FBXW4: variants seen among roughly 807,000 people sequenced by gnomAD.
FBXW4 encodes F-box/WD repeat-containing protein 4.
Under a neutral mutation model 61.8 loss-of-function variants are expected in FBXW4, and 40 were observed. The observed-to-expected ratio is 0.65, with a 90% CI of 0.50 to 0.84. FBXW4 has a LOEUF of 0.84. FBXW4 is among the 40% of genes least tolerant of loss of function. The pLI is 0.00. For synonymous variants in FBXW4, 311 were observed against 313.8 expected (o/e 0.99, Z 0.10); for missense variants, 672 against 753.8 (o/e 0.89, Z 1.27).
intron 5 of FBXW4, among the ~76,000 whole-genome samples, chr10:101,653,220 T>C (rs1007166609): frequency 3.3e-5 from 5 of 152,282 alleles, no homozygotes; most frequent in African/African-American, 9.6e-5. Context: ...CTTCCCACTG[T>C]CCCTACGAGT....
chr10:101,667,801 A>G, intron 5 of FBXW4, 85 bp downstream of exon 5: 1 of 1,219,158 alleles, frequency 8.2e-7, no homozygotes. Context: ...AATACACAAC[A>G]GGAAGATTTT....
intron 5 of FBXW4, among the ~76,000 whole-genome samples, chr10:101,638,806 T>C (rs918941042): frequency 6.6e-6 from 1 of 152,196 alleles, no homozygotes; most frequent in African/African-American, 2.4e-5. Context: ...CCTCGATGGC[T>C]TTCTGAGTGG....
At chr10:101,615,714 A>G (rs1029130758) in intron 6 of FBXW4, among the ~76,000 whole-genome samples, 5 of 152,034 alleles carry the variant, frequency 3.3e-5, no homozygotes, top group African/African-American at 1.2e-4. Context: ...AAATGCTGAC[A>G]CCCATCACCA....
chr10:101,646,905 T>C (rs1464157148), intron 5 of FBXW4, among the ~76,000 whole-genome samples: 4 of 152,218 alleles, frequency 2.6e-5, no homozygotes, highest in African/African-American at 9.6e-5. Context: ...TCTTCTGAGA[T>C]TTAAAGTCCC....
intron 1 of FBXW4, among the ~76,000 whole-genome samples, chr10:101,681,388 C>CAA (rs769305940): frequency 0.024 from 3,190 of 134,124 alleles, 62 homozygotes; most frequent in Non-Finnish European, 0.035. Context: ...AACTCCGTCT[C>CAA]AAAAAAAAAA....
At position 101,635,856 on chromosome 10, in the gene FBXW4, A is replaced by G. The variant is rs566888345; in HGVS notation, c.1236-11046T>C. Reference sequence around the variant, plus strand: ...ACCCGGTCTCAGAAAAAAAAAAAAAAAGAGAGATGGAGGGGCACCCCTCCA... The same window carrying G: ...ACCCGGTCTCAGAAAAAAAAAAAAAGAGAGAGATGGAGGGGCACCCCTCCA... On this transcript the variant is annotated intron_variant, in intron 5 of 8. Transcript: ENST00000331272. Among the ~76,000 whole-genome samples the G allele has an allele frequency of 2.3e-4, 35 of 151,236 alleles. 1 individual carries two copies. Among genetic ancestry groups the G allele is most frequent in the Admixed American group, 1.9e-3 (29 of 15,192 alleles).
chr10:101,647,523 G>A (rs184306328), intron 5 of FBXW4, among the ~76,000 whole-genome samples: 12 of 152,268 alleles, frequency 7.9e-5, no homozygotes, highest in African/African-American at 2.9e-4. Flanking sequence ...CTTTGGAATC[G>A]ATTTTTTTTC....
chr10:101,657,076 C>T (rs1039276096), intron 5 of FBXW4, among the ~76,000 whole-genome samples: 1 of 152,170 alleles, frequency 6.6e-6, no homozygotes, highest in African/African-American at 2.4e-5. Flanking sequence ...CACTTCCCTC[C>T]TCCCTCCAAT....
intron 5 of FBXW4, 198 bp from the exon 6 acceptor site, chr10:101,625,008 G>A (rs1420016488): frequency 3.1e-6 from 2 of 638,088 alleles, no homozygotes; most frequent in East Asian, 2.8e-5. Context: ...CCCCAGTGGT[G>A]CCTGGCCAGA....
chr10:101,653,858 C>G (rs565575320), intron 5 of FBXW4, among the ~76,000 whole-genome samples: 31 of 152,224 alleles, frequency 2.0e-4, no homozygotes, highest in African/African-American at 7.2e-4. Flanking sequence ...CGCAGTGGCT[C>G]ACGACTGTAA....
intron 5 of FBXW4, among the ~76,000 whole-genome samples, chr10:101,666,925 G>GA (rs141526805): frequency 0.28 from 40,990 of 149,024 alleles, 5,930 homozygotes; most frequent in African/African-American, 0.32. Flanking sequence ...AAAAAAGAAT[G>GA]AAAAAAAAAC....
rs1037270305 is a variant in FBXW4 at position 101,660,344 on chromosome 10, G to A, written c.1235+7542C>T. The A allele has an allele frequency of 3.2e-5, 18 of 557,604 alleles. No individual in the cohort carries two copies. In the Admixed American group the frequency reaches 1.1e-3, roughly 36 times the overall value. The allele number at this position is 557,604 out of a possible 1,614,324, so 34.5% of individuals were successfully genotyped here. A position where few individuals can be genotyped will look rare whatever the true frequency, so the allele number is the denominator to read the frequency against. The stretch of plus-strand genomic sequence containing the variant: ...AGTTGGGTTGGGAGGGGGGGTGGGT[G>A]CTGCATGTGACAGGCCATGAAAGGT... On this transcript the variant is annotated intron_variant, in intron 5 of 8. Coordinates refer to ENST00000331272, the MANE Select transcript of FBXW4 (RefSeq NM_022039.4).
chr10:101,611,193 G>A lies in FBXW4; in HGVS notation c.*98C>T. On this transcript the variant is annotated 3_prime_UTR_variant, in exon 9 of 9. Transcript: ENST00000331272. The surrounding 1 kb of genome is among the most constrained non-coding windows in gnomAD (Gnocchi z 4.9). ...CTGGGGTCACAGGCCCAGGAGCACA[G>A]TGGGGCAGTGAGGAGGAGCTATCAC... is the stretch of plus-strand genomic sequence containing the variant. The A allele has an allele frequency of 6.8e-7, 1 of 1,480,728 alleles. No homozygotes were observed. Among genetic ancestry groups the A allele is most frequent in the Non-Finnish European group, 9.2e-7 (1 of 1,091,382 alleles). 91.7% of individuals were successfully genotyped at this position (1,480,728 alleles called of 1,614,324 possible). A position where few individuals can be genotyped will look rare whatever the true frequency, so the allele number is the denominator to read the frequency against.
intron 5 of FBXW4, among the ~76,000 whole-genome samples, chr10:101,640,069 A>G (rs1264184192): frequency 6.6e-6 from 1 of 152,234 alleles, no homozygotes; most frequent in Non-Finnish European, 1.5e-5. Context: ...CCTCTACTGG[A>G]CACCTTGGGG....
chr10:101,676,738 G>GAAAAAAAAAAAAAAAAAAAAAAAAA (rs2064413552), intron 1 of FBXW4: 1 of 81,120 alleles, frequency 1.2e-5, no homozygotes, highest in African/African-American at 6.5e-5. Flanking sequence ...AAAAAAAAAT[G>GAAAAAAAAAAAAAAAAAAAAAAAAA]AAATGAATCC....
At chr10:101,653,723 T>C (rs2064162419) in intron 5 of FBXW4, among the ~76,000 whole-genome samples, 1 of 152,326 alleles carries the variant, frequency 6.6e-6, no homozygotes, top group Non-Finnish European at 1.5e-5. Context: ...CATGCATTGT[T>C]TCCGCAATTG....
intron 1 of FBXW4, among the ~76,000 whole-genome samples, chr10:101,680,186 C>T (rs2134906379): frequency 6.6e-6 from 1 of 151,950 alleles, no homozygotes; most frequent in Middle Eastern, 3.4e-3. Context: ...CCATCTCATA[C>T]CACAATATAA....
At chr10:101,645,221 C>G (rs1213700664) in intron 5 of FBXW4, among the ~76,000 whole-genome samples, 1 of 152,188 alleles carries the variant, frequency 6.6e-6, no homozygotes, top group African/African-American at 2.4e-5. Flanking sequence ...AGATGTGAAG[C>G]CAGACCCTGC....
chr10:101,658,217 A>C (rs1231217936), intron 5 of FBXW4, among the ~76,000 whole-genome samples: 1 of 152,126 alleles, frequency 6.6e-6, no homozygotes, highest in Admixed American at 6.5e-5. Context: ...ACTCTGGTAC[A>C]TAGAAAGGGA....
Sources: allele counts gnomAD v4.1 joint callset (sites outside exome capture counted in the v4.1 genomes callset), GRCh38; gene constraint gnomAD v4.1.1; non-coding constraint Gnocchi (gnomAD v3.1); transcripts MANE v1.5; gene names NCBI Gene and HGNC (gene_info 2026-07-23, HGNC 2026-07-21).